CNBD2: variants seen among roughly 807,000 people sequenced by gnomAD.
CNBD2 encodes cyclic nucleotide-binding domain-containing protein 2.
Under a neutral mutation model 63.7 loss-of-function variants are expected in CNBD2, and 64 were observed. The observed-to-expected ratio is 1.00, with a 90% CI of 0.82 to 1.24. CNBD2 has a LOEUF of 1.24. CNBD2 is among the 50% of genes most tolerant of loss of function. CNBD2 has a pLI of 0.00. For missense variants in CNBD2, 691 were observed against 713.5 expected (o/e 0.97, Z 0.36); for synonymous variants, 229 against 255.4 (o/e 0.90, Z 0.99).
intron 8 of CNBD2, among the ~76,000 whole-genome samples, chr20:35,995,843 T>C (rs1447933294): frequency 6.6e-6 from 1 of 152,212 alleles, no homozygotes; most frequent in Non-Finnish European, 1.5e-5. Flanking sequence ...TCTATTTCTA[T>C]AACTGAATAT....
rs527948876 is a variant in CNBD2 at position 36,020,157 on chromosome 20, A to G, written c.1270-3445A>G. ...GAGTGCAGTGGCATGATCTTTGCAC[A>G]CTGCAAGCTCCGCCTCCCGAGTTTA... is the stretch of plus-strand genomic sequence containing the variant. On this transcript the variant is annotated intron_variant, in intron 10 of 11. Coordinates refer to ENST00000373973, the MANE Select transcript of CNBD2 (RefSeq NM_001365709.1). 2.0e-5 allele frequency among the ~76,000 whole-genome samples: 3 copies of G among 151,806 alleles called. No individual in the cohort carries two copies. The East Asian group carries it at 5.8e-4, about 29-fold the overall frequency.
At chr20:36,021,091 A>G (rs2147362808) in intron 10 of CNBD2, among the ~76,000 whole-genome samples, 1 of 152,320 alleles carries the variant, frequency 6.6e-6, no homozygotes, top group African/African-American at 2.4e-5. Flanking sequence ...CAGGCGAGCA[A>G]TGGCCCAGGA....
At chr20:35,989,323 C>T (rs1049508080) in intron 7 of CNBD2, among the ~76,000 whole-genome samples, 5 of 152,220 alleles carry the variant, frequency 3.3e-5, no homozygotes, top group Admixed American at 2.0e-4. Flanking sequence ...GGTCATGACA[C>T]ATTGGTCCAG....
In CNBD2 at chr20:35,983,419, C is replaced by T. The variant is rs558581405; in HGVS notation, c.408-563C>T. Among the ~76,000 whole-genome samples, 5 of 152,224 alleles carry T rather than the reference C, an allele frequency of 3.3e-5. No individual in the cohort carries two copies. The South Asian group carries it at 1.0e-3, about 32-fold the overall frequency. On this transcript the variant is annotated intron_variant, in intron 4 of 11. Transcript: ENST00000373973. ...TAAGAACTCCTTGTTCGCTCTGGGCCTGGGCACCTCTACCCCAAGGGTGCC... is the reference window on the plus strand; with the variant it reads ...TAAGAACTCCTTGTTCGCTCTGGGCTTGGGCACCTCTACCCCAAGGGTGCC...
At position 36,002,153 on chromosome 20, in the gene CNBD2, G is replaced by A. The variant is rs6058390; in HGVS notation, c.971-6144G>A. On this transcript the variant is annotated intron_variant, in intron 8 of 11. Coordinates refer to ENST00000373973, the MANE Select transcript of CNBD2 (RefSeq NM_001365709.1). Reference sequence around the variant, plus strand: ...ACTCCGTCTGCAATCCCGGCACCTCGGGAGGCCAAGGCTGGCGGATCACTC... The same window carrying A: ...ACTCCGTCTGCAATCCCGGCACCTCAGGAGGCCAAGGCTGGCGGATCACTC... 8.9e-3 allele frequency among the ~76,000 whole-genome samples: 1,349 copies of A among 152,344 alleles called. 27 individuals are homozygous for A. Among genetic ancestry groups the A allele is most frequent in the African/African-American group, 0.03 (1,256 of 41,590 alleles).
chr20:35,978,595 T>C (rs1409803207), intron 3 of CNBD2, among the ~76,000 whole-genome samples: 1 of 152,164 alleles, frequency 6.6e-6, no homozygotes, highest in Non-Finnish European at 1.5e-5. Flanking sequence ...CCGTCCGCCT[T>C]GGCCTCCCAA....
chr20:35,983,634 A>G (rs1359728002), intron 4 of CNBD2, among the ~76,000 whole-genome samples: 1 of 152,204 alleles, frequency 6.6e-6, no homozygotes, highest in Non-Finnish European at 1.5e-5. Flanking sequence ...CAGTCCTCCT[A>G]ATCATTTAGT....
chr20:35,976,054 C>G, intron 3 of CNBD2, 52 bp downstream of exon 3: 1 of 1,504,530 alleles, frequency 6.6e-7, no homozygotes, highest in Non-Finnish European at 9.2e-7. Context: ...TGCACCCTGG[C>G]TTGGAAGAAA....
Position 35,968,688 on chromosome 20 carries a change from T to G in CNBD2, c.-75T>G. ...TCTATTTGTTTCTAGTATTACTGGATTTTTGGGGAAAAATTTGTAGTCCTC... is the reference window on the plus strand; with the variant it reads ...TCTATTTGTTTCTAGTATTACTGGAGTTTTGGGGAAAAATTTGTAGTCCTC... On this transcript the variant is annotated 5_prime_UTR_variant, in exon 1 of 12. Transcript: ENST00000373973. The G allele has an allele frequency of 8.2e-7, 1 of 1,213,124 alleles. No individual in the cohort carries two copies. The highest frequency in any genetic ancestry group is 1.2e-6 in the Non-Finnish European group (1 of 839,628). The allele number at this position is 1,213,124 out of a possible 1,614,324, so 75.1% of individuals were successfully genotyped here.
chr20:35,971,309 A>T (rs965004335), intron 1 of CNBD2, among the ~76,000 whole-genome samples: 1 of 152,162 alleles, frequency 6.6e-6, no homozygotes, highest in Non-Finnish European at 1.5e-5. Flanking sequence ...ATACTTTATG[A>T]CATATCTTTC....
downstream of CNBD2, chr20:35,959,069 A>T (rs1042774307): frequency 4.4e-4 from 67 of 152,224 alleles, no homozygotes; most frequent in African/African-American, 1.5e-3. Flanking sequence ...TACAAATAGA[A>T]CTGCTATGAG....
intron 10 of CNBD2, among the ~76,000 whole-genome samples, chr20:36,013,956 C>T (rs181286621): frequency 2.2e-4 from 34 of 151,794 alleles, no homozygotes; most frequent in East Asian, 5.8e-4. Flanking sequence ...CCGAGGAGGG[C>T]GGATCACGAG....
At chr20:35,962,156 C>A (rs1053453314) in intron 2 of CNBD2, among the ~76,000 whole-genome samples, 1 of 152,186 alleles carries the variant, frequency 6.6e-6, no homozygotes, top group Admixed American at 6.5e-5. Context: ...TCAGCACCGT[C>A]ACCCTCTGGC....
chr20:36,012,013 C>T (rs1377225852), intron 10 of CNBD2, among the ~76,000 whole-genome samples: 1 of 151,818 alleles, frequency 6.6e-6, no homozygotes, highest in Non-Finnish European at 1.5e-5. Flanking sequence ...CAAAAATTAG[C>T]TGGGGCCAGG....
At chr20:35,989,014 C>A (rs958473843) in intron 7 of CNBD2, among the ~76,000 whole-genome samples, 4 of 152,188 alleles carry the variant, frequency 2.6e-5, no homozygotes, top group Non-Finnish European at 4.4e-5. Context: ...TCCCATTTCT[C>A]AAGTGCTTAC....
chr20:35,968,365 G>GTGACCAGAAACAAGTCT (rs61544093), upstream of CNBD2, among the ~76,000 whole-genome samples: 2 of 151,806 alleles, frequency 1.3e-5, no homozygotes, highest in Admixed American at 1.3e-4. Flanking sequence ...CAGCAGGGTT[G>GTGACCAGAAACAAGTCT]TGCCATTCTC....
At chr20:35,963,159 C>T (rs2056320777) in intron 2 of CNBD2, among the ~76,000 whole-genome samples, 2 of 151,656 alleles carry the variant, frequency 1.3e-5, no homozygotes, top group Admixed American at 6.6e-5. Context: ...GCCTGGGCAA[C>T]GTAGTGAGAC....
At chr20:35,984,589 G>A (rs759386990) in intron 5 of CNBD2, 38 bp from the exon 6 acceptor site, 1 of 1,604,346 alleles carries the variant, frequency 6.2e-7, no homozygotes, top group Admixed American at 1.7e-5. Context: ...GGAAGTGGAG[G>A]TGGCCTCACA....
At chr20:36,016,151 T>G (rs2057129589) in intron 10 of CNBD2, among the ~76,000 whole-genome samples, 1 of 152,112 alleles carries the variant, frequency 6.6e-6, no homozygotes. Context: ...ATGAGACAAA[T>G]TTTAACTGTG....
Sources: allele counts gnomAD v4.1 joint callset (sites outside exome capture counted in the v4.1 genomes callset), GRCh38; gene constraint gnomAD v4.1.1; transcripts MANE v1.5; gene names NCBI Gene and HGNC (gene_info 2026-07-23, HGNC 2026-07-21).